The following STAG1 variants were observed in gnomAD, a reference collection of about 807,000 sequenced individuals.
STAG1 encodes STAG1 cohesin complex component, also known as cohesin subunit SA-1.
In STAG1, 26 loss-of-function variants were observed where a neutral mutation model predicts 170.9. The observed-to-expected ratio is 0.15, with a 90% CI of 0.11 to 0.21. The LOEUF (loss-of-function observed/expected upper bound fraction) is 0.21, where lower values mean the gene tolerates loss of function less well. STAG1 is among the 10% of genes least tolerant of loss of function. The pLI, the probability that STAG1 is intolerant of heterozygous loss-of-function variation, is 1.00. For missense variants in STAG1, 964 were observed against 1,509.5 expected (o/e 0.64, Z 5.99); for synonymous variants, 514 against 497.7 (o/e 1.03, Z -0.44).
intron 1 of STAG1, among the ~76,000 whole-genome samples, chr3:136,650,066 CA>C (rs1191603690): frequency 1.3e-5 from 2 of 150,526 alleles, no homozygotes; most frequent in Non-Finnish European, 1.5e-5. Flanking sequence ...CACGCCCAGC[CA>C]AAAAAAAATT....
At chr3:136,580,809 A>C (rs1393256566) in intron 4 of STAG1, among the ~76,000 whole-genome samples, 2 of 152,088 alleles carry the variant, frequency 1.3e-5, no homozygotes, top group Admixed American at 6.6e-5. Context: ...CTGGGATTAC[A>C]GGCGTGAGCC....
chr3:136,483,251 G>T, intron 9 of STAG1, among the ~76,000 whole-genome samples: 1 of 11,400 alleles, frequency 8.8e-5, no homozygotes, highest in Admixed American at 6.6e-4. Context: ...GCTTCCTTCA[G>T]GAGCTCTTTT....
intron 3 of STAG1, among the ~76,000 whole-genome samples, chr3:136,621,242 A>G (rs1576677793): frequency 6.6e-6 from 1 of 152,234 alleles, no homozygotes; most frequent in Non-Finnish European, 1.5e-5. Context: ...AATTCTCTTT[A>G]GGAAAAATAA....
intron 13 of STAG1, among the ~76,000 whole-genome samples, chr3:136,462,868 G>C (rs189884202): frequency 8.8e-4 from 134 of 152,138 alleles, no homozygotes; most frequent in Non-Finnish European, 1.7e-3. Flanking sequence ...CATAAAATAA[G>C]TATATTCTAA....
intron 23 of STAG1, among the ~76,000 whole-genome samples, chr3:136,372,191 T>C (rs534717345): frequency 1.3e-5 from 2 of 152,342 alleles, no homozygotes; most frequent in South Asian, 2.1e-4. Context: ...TGTTTGCACA[T>C]TGATTTTGTA....
intron 12 of STAG1, among the ~76,000 whole-genome samples, chr3:136,467,736 C>T (rs2089507929): frequency 6.6e-6 from 1 of 152,082 alleles, no homozygotes; most frequent in Admixed American, 6.6e-5. Context: ...ACACTTATTC[C>T]AAAATTGACC....
intron 1 of STAG1, among the ~76,000 whole-genome samples, chr3:136,633,141 A>AT (rs917826590): frequency 5.5e-4 from 83 of 152,250 alleles, no homozygotes; most frequent in Non-Finnish European, 3.2e-4. Context: ...CAAAATGTCC[A>AT]TTTTTTTAAT....
Position 136,733,084 on chromosome 3 carries a change from CTT to C in STAG1, c.-84+19109_-84+19110del, listed in dbSNP as rs55935142. Reference sequence around the variant, plus strand: ...ATATAGTCTAGTGGTTAAAACCTAACTTTTTTTTTTTTTTTTTTTTGAGACAG... The same window carrying C: ...ATATAGTCTAGTGGTTAAAACCTAACTTTTTTTTTTTTTTTTTTGAGACAG... On this transcript the variant is annotated intron_variant, in intron 1 of 33. Coordinates refer to ENST00000383202, the MANE Select transcript of STAG1 (RefSeq NM_005862.3). Among the ~76,000 whole-genome samples the C allele has an allele frequency of 3.1e-3, 401 of 128,230 alleles. 3 individuals carry two copies. Among genetic ancestry groups the C allele is most frequent in the African/African-American group, 0.01 (364 of 34,726 alleles). 84.1% of individuals were successfully genotyped at this position (128,230 alleles called of 152,430 possible).
At chr3:136,484,942 C>A (rs866245577) in intron 9 of STAG1, among the ~76,000 whole-genome samples, 2 of 152,070 alleles carry the variant, frequency 1.3e-5, no homozygotes, top group Non-Finnish European at 1.5e-5. Flanking sequence ...GGCTCGCGCA[C>A]GGTGCGCGCA....
At chr3:136,505,076 G>C (rs1305729402) in intron 7 of STAG1, among the ~76,000 whole-genome samples, 1 of 152,066 alleles carries the variant, frequency 6.6e-6, no homozygotes, top group Admixed American at 6.6e-5. Flanking sequence ...CAAATTAAAT[G>C]ACAGACATAA....
At chr3:136,721,371 G>A (rs1933252233) in intron 1 of STAG1, 1 of 152,122 alleles carries the variant, frequency 6.6e-6, no homozygotes, top group South Asian at 2.1e-4. Flanking sequence ...AAATAATGAA[G>A]CCCCTTATCT....
At chr3:136,597,968 A>G (rs1433438040) in intron 4 of STAG1, among the ~76,000 whole-genome samples, 1 of 152,160 alleles carries the variant, frequency 6.6e-6, no homozygotes, top group Non-Finnish European at 1.5e-5. Flanking sequence ...CCTAATTATC[A>G]AAAGTTTCTG....
intron 1 of STAG1, among the ~76,000 whole-genome samples, chr3:136,702,958 C>G (rs1301018144): frequency 6.6e-6 from 1 of 150,960 alleles, no homozygotes; most frequent in Non-Finnish European, 1.5e-5. Context: ...ATCCCAGCTA[C>G]TCAGGAGGCT....
chr3:136,380,654 TTGA>T (rs1378740243), intron 22 of STAG1, among the ~76,000 whole-genome samples: 2 of 152,114 alleles, frequency 1.3e-5, no homozygotes, highest in Non-Finnish European at 1.5e-5. Context: ...GTAGAGCCTG[TTGA>T]TGATTACTCC....
At chr3:136,624,545 T>C (rs1406532636) in intron 2 of STAG1, among the ~76,000 whole-genome samples, 1 of 152,182 alleles carries the variant, frequency 6.6e-6, no homozygotes, top group Non-Finnish European at 1.5e-5. Context: ...CATTAGTCAA[T>C]GGTGTGAGCA....
intron 9 of STAG1, among the ~76,000 whole-genome samples, chr3:136,493,170 C>T (rs1391076201): frequency 2.0e-5 from 3 of 151,750 alleles, no homozygotes; most frequent in Admixed American, 6.6e-5. Context: ...GGCGAAACTT[C>T]GTCTCTACTG....
rs147930002 is a variant in STAG1, at chr3:136,639,488, A to G, written c.-83-8507T>C. 9.2e-3 allele frequency among the ~76,000 whole-genome samples: 1,396 copies of G among 152,352 alleles called. 9 individuals carry two copies. The highest frequency in any genetic ancestry group is 0.016 in the Non-Finnish European group (1,055 of 68,028). On this transcript the variant is annotated intron_variant, in intron 1 of 33. Coordinates refer to ENST00000383202, the MANE Select transcript of STAG1 (RefSeq NM_005862.3). ...AATCTACATACTCATACAAATAAGA[A>G]TTGTGTGACAACTAATAGCTTCATT...
chr3:136,644,695 TTC>T (rs1940933989), intron 1 of STAG1, among the ~76,000 whole-genome samples: 1 of 152,136 alleles, frequency 6.6e-6, no homozygotes, highest in Admixed American at 6.6e-5. Flanking sequence ...CATGCAGTAT[TTC>T]TGTCATTTTT....
chr3:136,468,902 T>C (rs2089546954), intron 12 of STAG1, among the ~76,000 whole-genome samples: 1 of 152,148 alleles, frequency 6.6e-6, no homozygotes, highest in African/African-American at 2.4e-5. Context: ...ATTATCTCAA[T>C]ACATGCAGAA....
Sources: gnomAD v4.1 joint callset for allele counts (sites outside exome capture counted in the v4.1 genomes callset) on GRCh38, gnomAD v4.1.1 for gene constraint, MANE v1.5 for transcripts, NCBI Gene and HGNC (gene_info 2026-07-23, HGNC 2026-07-21) for gene names.